The following BICC1 variants were observed in gnomAD, a reference collection of about 807,000 sequenced individuals.
BICC1 encodes the protein BicC family RNA binding protein 1.
BICC1 carries 43 observed loss-of-function variants against 111.0 expected under a neutral mutation model. The observed-to-expected ratio is 0.39, with a 90% CI of 0.30 to 0.50. BICC1 has a LOEUF of 0.50. BICC1 is among the 20% of genes least tolerant of loss of function. BICC1 has a pLI of 0.88. For synonymous variants in BICC1, 467 were observed against 434.4 expected (o/e 1.07, Z -0.93); for missense variants, 1,091 against 1,203.2 (o/e 0.91, Z 1.38).
At chr10:58,528,162 A>G (rs1842593983) in intron 1 of BICC1, among the ~76,000 whole-genome samples, 1 of 151,852 alleles carries the variant, frequency 6.6e-6, no homozygotes. Context: ...CATTGACCTC[A>G]TGGAATGGAG....
At chr10:58,551,469 A>G (rs561602915) in intron 1 of BICC1, among the ~76,000 whole-genome samples, 1 of 152,220 alleles carries the variant, frequency 6.6e-6, no homozygotes, top group South Asian at 2.1e-4. Flanking sequence ...CCATTACCTT[A>G]CATACTTAAT....
intron 1 of BICC1, among the ~76,000 whole-genome samples, chr10:58,538,938 G>A (rs905318236): frequency 2.0e-5 from 3 of 151,866 alleles, no homozygotes; most frequent in Non-Finnish European, 2.9e-5. Context: ...ATAGATGTTG[G>A]CATGGACAGG....
At chr10:58,745,342 A>G (rs1361883062) in intron 3 of BICC1, among the ~76,000 whole-genome samples, 2 of 152,168 alleles carry the variant, frequency 1.3e-5, no homozygotes, top group Non-Finnish European at 2.9e-5. Context: ...TGAGATGGGA[A>G]TGATAATAAT....
chr10:58,521,879 C>A (rs371025752), intron 1 of BICC1, among the ~76,000 whole-genome samples: 47 of 141,340 alleles, frequency 3.3e-4, no homozygotes, highest in Middle Eastern at 7.9e-3. Flanking sequence ...GCAGGATTGG[C>A]ATTTTGGAAA....
chr10:58,565,562 T>A (rs562734894), intron 1 of BICC1, among the ~76,000 whole-genome samples: 7 of 152,204 alleles, frequency 4.6e-5, no homozygotes, highest in African/African-American at 1.4e-4. Context: ...GCCCCCCCGA[T>A]GTATGCCCTG....
intron 13 of BICC1, 146 bp from the exon 14 acceptor site, chr10:58,800,744 G>A (rs866099141): frequency 2.6e-5 from 20 of 755,768 alleles, no homozygotes; most frequent in Admixed American, 2.0e-4. Context: ...ACTTGTTAAG[G>A]TGTTTCTTTG....
intron 2 of BICC1, among the ~76,000 whole-genome samples, chr10:58,689,149 G>A (rs1421063354): frequency 1.3e-5 from 2 of 152,180 alleles, no homozygotes; most frequent in Non-Finnish European, 1.5e-5. Context: ...GGATCCAGGT[G>A]TTTTCTGACT....
intron 3 of BICC1, among the ~76,000 whole-genome samples, chr10:58,774,859 A>G (rs1589126569): frequency 6.6e-6 from 1 of 152,134 alleles, no homozygotes; most frequent in Non-Finnish European, 1.5e-5. Context: ...TTATTTATCC[A>G]TGTCTTTTGC....
At chr10:58,629,674 CCTTA>C in intron 2 of BICC1, among the ~76,000 whole-genome samples, 1 of 152,060 alleles carries the variant, frequency 6.6e-6, no homozygotes, top group East Asian at 1.9e-4. Flanking sequence ...ACCTTTGGTA[CCTTA>C]CTTTTTAAAT....
intron 1 of BICC1, among the ~76,000 whole-genome samples, chr10:58,534,845 AT>A (rs1842785793): frequency 6.7e-6 from 1 of 149,150 alleles, no homozygotes; most frequent in African/African-American, 2.4e-5. Flanking sequence ...TTAAAAAAAA[AT>A]TAGGATATCA....
intron 2 of BICC1, among the ~76,000 whole-genome samples, chr10:58,621,912 A>AACAGG (rs1845823062): frequency 3.7e-5 from 1 of 27,104 alleles, no homozygotes; most frequent in Non-Finnish European, 6.8e-5. Flanking sequence ...ATTAGAATAG[A>AACAGG]ATAGAATAGA....
At chr10:58,755,771 G>A (rs1035232789) in intron 3 of BICC1, among the ~76,000 whole-genome samples, 3 of 151,764 alleles carry the variant, frequency 2.0e-5, no homozygotes, top group Admixed American at 6.6e-5. Context: ...TTCCAGCAGC[G>A]GTTGAGTCTG....
chr10:58,563,524 G>A (rs1333133600), intron 1 of BICC1, among the ~76,000 whole-genome samples: 1 of 152,172 alleles, frequency 6.6e-6, no homozygotes, highest in East Asian at 1.9e-4. Context: ...ACTATCCTGA[G>A]TTTTTGTGTC....
intron 1 of BICC1, among the ~76,000 whole-genome samples, chr10:58,540,832 A>G (rs1842952839): frequency 6.6e-6 from 1 of 152,152 alleles, no homozygotes; most frequent in Admixed American, 6.6e-5. Flanking sequence ...AACTGAATTC[A>G]ACACCACATT....
chr10:58,754,612 G>T (rs1489880308), intron 3 of BICC1, among the ~76,000 whole-genome samples: 1 of 152,180 alleles, frequency 6.6e-6, no homozygotes, highest in Non-Finnish European at 1.5e-5. Flanking sequence ...GCCTCACACG[G>T]CAGGGAGCAG....
intron 2 of BICC1, among the ~76,000 whole-genome samples, chr10:58,636,669 T>A (rs538361230): frequency 4.5e-4 from 69 of 152,214 alleles, no homozygotes; most frequent in African/African-American, 1.4e-3. Context: ...ATGTAACAAA[T>A]AAGAGATGTT....
rs543405830 is a variant in BICC1 at position 58,701,067 on chromosome 10, G to A, written c.238-1007G>A. On this transcript the variant is annotated intron_variant, in intron 2 of 20. Transcript: ENST00000373886. Reference sequence around the variant, plus strand: ...TGAACCATTTCCTTGTGCCCGGTACGTAGCCAGTACTGAGGAGAAAAAGGT... The same window carrying A: ...TGAACCATTTCCTTGTGCCCGGTACATAGCCAGTACTGAGGAGAAAAAGGT... 8.5e-4 allele frequency among the ~76,000 whole-genome samples: 129 copies of A among 152,248 alleles called. 4 individuals carry two copies. In the South Asian group the frequency reaches 0.024, roughly 28 times the overall value.
intron 9 of BICC1, among the ~76,000 whole-genome samples, chr10:58,794,607 A>G (rs1589145334): frequency 6.6e-6 from 1 of 151,984 alleles, no homozygotes; most frequent in East Asian, 1.9e-4. Flanking sequence ...TTTTGTAGAA[A>G]TGGGGTTTGG....
chr10:58,733,093 G>A (rs1473202727), intron 3 of BICC1, among the ~76,000 whole-genome samples: 1 of 151,886 alleles, frequency 6.6e-6, no homozygotes, highest in African/African-American at 2.4e-5. Context: ...AATAAAATGA[G>A]GTATGCTTGT....
Sources: allele counts gnomAD v4.1 joint callset (sites outside exome capture counted in the v4.1 genomes callset), GRCh38; gene constraint gnomAD v4.1.1; transcripts MANE v1.5; gene names NCBI Gene and HGNC (gene_info 2026-07-23, HGNC 2026-07-21).